The following PRKAG2 variants were observed in gnomAD, a reference collection of about 807,000 sequenced individuals.
PRKAG2 encodes the protein 5'-AMP-activated protein kinase subunit gamma-2.
In PRKAG2, 26 loss-of-function variants were observed where a neutral mutation model predicts 69.6. The observed-to-expected ratio is 0.37, with a 90% CI of 0.27 to 0.52. The LOEUF (loss-of-function observed/expected upper bound fraction) is 0.52, where lower values mean the gene tolerates loss of function less well. Among genes scored for constraint, PRKAG2 ranks in the 20% least tolerant of loss-of-function variants. The pLI is 0.90. For missense variants in PRKAG2, 557 were observed against 740.0 expected (o/e 0.75, Z 2.87); for synonymous variants, 293 against 285.0 (o/e 1.03, Z -0.28).
intron 3 of PRKAG2, among the ~76,000 whole-genome samples, chr7:151,721,488 G>C (rs1455328918): frequency 1.3e-5 from 2 of 152,134 alleles, no homozygotes; most frequent in South Asian, 2.1e-4. Context: ...TCCCTCCAAG[G>C]CCTCTCATGC....
At chr7:151,858,400 G>A (rs1404255343) in intron 1 of PRKAG2, among the ~76,000 whole-genome samples, 2 of 152,242 alleles carry the variant, frequency 1.3e-5, no homozygotes, top group African/African-American at 4.8e-5. Flanking sequence ...GCAGTATGGA[G>A]ATTATTTTTA....
chr7:151,728,394 C>T (rs1328815319), intron 3 of PRKAG2, among the ~76,000 whole-genome samples: 2 of 152,116 alleles, frequency 1.3e-5, no homozygotes, highest in African/African-American at 4.8e-5. Flanking sequence ...CCTTGGGTGC[C>T]AAGGCTCCCT....
At chr7:151,852,780 C>G (rs2079605901) in intron 1 of PRKAG2, among the ~76,000 whole-genome samples, 1 of 152,158 alleles carries the variant, frequency 6.6e-6, no homozygotes, top group Admixed American at 6.5e-5. Context: ...AGCTTCTGCC[C>G]AGAGCCCTGC....
rs530836586 is a variant in PRKAG2, at chr7:151,677,713, C to T, written c.467-2076G>A. On this transcript the variant is annotated intron_variant, in intron 3 of 15. Transcript: ENST00000287878. ...GTGCCAGCCAGAGTTTTGGCAATCA[C>T]ATGTAGCCAACTGTTCCAACCGTGT... Among the ~76,000 whole-genome samples, 11 of 152,324 alleles carry T rather than the reference C, an allele frequency of 7.2e-5. 1 individual carries two copies. The highest frequency in any genetic ancestry group is 7.2e-4 in the Admixed American group (11 of 15,294).
intron 2 of PRKAG2, among the ~76,000 whole-genome samples, chr7:151,782,983 G>A (rs1470321387): frequency 6.6e-6 from 1 of 152,248 alleles, no homozygotes; most frequent in African/African-American, 2.4e-5. Flanking sequence ...CGGCCGCGCT[G>A]TGCTGAAAAG....
chr7:151,848,537 T>TTC (rs1317592731), intron 1 of PRKAG2, among the ~76,000 whole-genome samples: 5 of 143,646 alleles, frequency 3.5e-5, no homozygotes, highest in African/African-American at 1.3e-4. Flanking sequence ...TTTTTTTTTT[T>TTC]TTTTGAGATG....
At chr7:151,652,424 T>C (rs1289793561) in intron 4 of PRKAG2, among the ~76,000 whole-genome samples, 1 of 152,218 alleles carries the variant, frequency 6.6e-6, no homozygotes, top group Admixed American at 6.5e-5. Flanking sequence ...TTCACAAAGA[T>C]GGATTTATGC....
intron 1 of PRKAG2, among the ~76,000 whole-genome samples, chr7:151,866,474 G>A (rs895876874): frequency 6.6e-6 from 1 of 151,798 alleles, no homozygotes; most frequent in Non-Finnish European, 1.5e-5. Context: ...CACACGTCTG[G>A]CATATAACAA....
intron 3 of PRKAG2, among the ~76,000 whole-genome samples, chr7:151,685,691 C>G (rs1216863151): frequency 1.3e-5 from 2 of 151,622 alleles, no homozygotes; most frequent in Non-Finnish European, 2.9e-5. Context: ...ATTGCTTAAG[C>G]CTGAGAGGTT....
At position 151,836,525 on chromosome 7, in the gene PRKAG2, G is replaced by A. The variant is rs1211423978; in HGVS notation, c.114+39982C>T. 1.3e-5 allele frequency among the ~76,000 whole-genome samples: 2 copies of A among 152,238 alleles called. No individual in the cohort carries two copies. The highest frequency in any genetic ancestry group is 1.5e-5 in the Non-Finnish European group (1 of 68,032). ...ACAACAAAGGCAAGGTGGACCCATC[G>A]CTGGCTCCTCTGCCTCCAGGGGATC... On this transcript the variant is annotated intron_variant, in intron 1 of 15. Coordinates refer to ENST00000287878, the MANE Select transcript of PRKAG2 (RefSeq NM_016203.4). The surrounding 1 kb of genome is among the most constrained non-coding windows in gnomAD (Gnocchi z 4.1).
At chr7:151,726,427 CATT>C (rs1797988191) in intron 3 of PRKAG2, among the ~76,000 whole-genome samples, 1 of 149,110 alleles carries the variant, frequency 6.7e-6, no homozygotes, top group African/African-American at 2.5e-5. Flanking sequence ...GCTGATGCCA[CATT>C]ATTTACTATG....
At chr7:151,744,937 A>G (rs1010126708) in intron 3 of PRKAG2, among the ~76,000 whole-genome samples, 7 of 152,238 alleles carry the variant, frequency 4.6e-5, no homozygotes, top group African/African-American at 1.7e-4. Flanking sequence ...GAGGCCAGCC[A>G]TGACTATTCA....
At chr7:151,564,809 T>C (rs1222207509) in intron 13 of PRKAG2, among the ~76,000 whole-genome samples, 2 of 152,080 alleles carry the variant, frequency 1.3e-5, no homozygotes, top group East Asian at 3.8e-4. Flanking sequence ...TCTCGGTGAC[T>C]GTTATGTTTA....
At chr7:151,683,811 C>G (rs1161890238) in intron 3 of PRKAG2, among the ~76,000 whole-genome samples, 1 of 152,154 alleles carries the variant, frequency 6.6e-6, no homozygotes, top group African/African-American at 2.4e-5. Context: ...AACCAGCAGG[C>G]AGGCGGAGAC....
chr7:151,624,163 TG>T (rs1822255486), intron 5 of PRKAG2, among the ~76,000 whole-genome samples: 1 of 146,794 alleles, frequency 6.8e-6, no homozygotes. Flanking sequence ...TGTGTGTGTG[TG>T]TGTACATATA....
intron 4 of PRKAG2, among the ~76,000 whole-genome samples, chr7:151,672,770 T>G (rs750199618): frequency 6.6e-6 from 1 of 152,144 alleles, no homozygotes; most frequent in South Asian, 2.1e-4. Context: ...TGTTTATCCA[T>G]TCACGACATT....
rs1238918004 is a variant in PRKAG2 at position 151,756,558 on chromosome 7, C to G, written c.466+24594G>C. ...CCTCTGACCCCTGCTGCCATGTGTC[C>G]AGGCTCCCGCTGGGCAGGAGACAGG... On this transcript the variant is annotated intron_variant, in intron 3 of 15. Transcript: ENST00000287878. The surrounding 1 kb of genome is among the most constrained non-coding windows in gnomAD (Gnocchi z 4.9). Among the ~76,000 whole-genome samples, 1 of 152,204 alleles carries G rather than the reference C, an allele frequency of 6.6e-6. No homozygotes were observed. Among genetic ancestry groups the G allele is most frequent in the African/African-American group, 2.4e-5 (1 of 41,458 alleles).
intron 4 of PRKAG2, among the ~76,000 whole-genome samples, chr7:151,653,112 C>A (rs1828816318): frequency 6.7e-6 from 1 of 148,628 alleles, no homozygotes; most frequent in Non-Finnish European, 1.5e-5. Context: ...ACAGAAAAAA[C>A]TTTAATCATC....
intron 1 of PRKAG2, among the ~76,000 whole-genome samples, chr7:151,795,932 A>G (rs1359418292): frequency 2.1e-5 from 3 of 145,944 alleles, no homozygotes; most frequent in Non-Finnish European, 3.0e-5. Flanking sequence ...TACATTATAT[A>G]GAGTTAATAT....
Sources: gnomAD v4.1 joint callset for allele counts (sites outside exome capture counted in the v4.1 genomes callset) on GRCh38, gnomAD v4.1.1 for gene constraint, Gnocchi (gnomAD v3.1) non-coding constraint, MANE v1.5 for transcripts, NCBI Gene and HGNC (gene_info 2026-07-23, HGNC 2026-07-21) for gene names.